The following MED27 variants were observed in gnomAD, a reference collection of about 807,000 sequenced individuals.
MED27 encodes the protein mediator complex subunit 27.
A neutral mutation model predicts 38.2 loss-of-function variants in MED27; 30 were observed. That is an observed-to-expected ratio of 0.79 (90% CI 0.59 to 1.07). MED27 has a LOEUF of 1.07. Ranked by LOEUF, MED27 falls within the 50% of genes least tolerant of loss-of-function variation. The pLI is 0.00. For missense variants in MED27, 289 were observed against 397.5 expected, an observed-to-expected ratio of 0.73 and a Z score of 2.32; for synonymous variants, 122 against 153.5, an observed-to-expected ratio of 0.79 and a Z score of 1.52.
At chr9:132,046,675 C>T (rs989422389) in intron 2 of MED27, among the ~76,000 whole-genome samples, 1 of 152,158 alleles carries the variant, frequency 6.6e-6, no homozygotes, top group Non-Finnish European at 1.5e-5. Flanking sequence ...GCATTAGCAG[C>T]TGCAGTGGGA....
chr9:131,875,130 G>C (rs1838907275), intron 6 of MED27, among the ~76,000 whole-genome samples: 1 of 152,126 alleles, frequency 6.6e-6, no homozygotes, highest in Admixed American at 6.6e-5. Context: ...GCCTTCTGGA[G>C]ATCACTGGTT....
rs746974225 is a variant in MED27 at position 131,883,773 on chromosome 9, C to T, written c.723+285G>A. ...ACAAACATGTACGGCTGTGTAACAC[C>T]GCCACAATTAAGATAAAGAATATTC... is the stretch of plus-strand genomic sequence containing the variant. On this transcript the variant is annotated intron_variant, in intron 6 of 7. Coordinates refer to ENST00000292035, the MANE Select transcript of MED27 (RefSeq NM_004269.4). This position sits in a 1 kb window ranked among gnomAD's most constrained non-coding sequence, Gnocchi z 4.2. 5.9e-5 allele frequency among the ~76,000 whole-genome samples: 9 copies of T among 152,048 alleles called. No homozygotes were observed. The highest frequency in any genetic ancestry group is 8.8e-5 in the Non-Finnish European group (6 of 68,010).
chr9:131,906,196 T>C (rs1169742794), intron 4 of MED27, among the ~76,000 whole-genome samples: 1 of 152,234 alleles, frequency 6.6e-6, no homozygotes, highest in African/African-American at 2.4e-5. Context: ...GACTGGAGAC[T>C]GAGCAGGGAA....
intron 3 of MED27, among the ~76,000 whole-genome samples, chr9:131,968,116 G>A (rs1051821448): frequency 7.9e-5 from 12 of 151,894 alleles, no homozygotes; most frequent in Admixed American, 3.3e-4. Flanking sequence ...CACCACCCCC[G>A]GCCTCATGAT....
intron 4 of MED27, among the ~76,000 whole-genome samples, chr9:131,923,835 A>T (rs1056544582): frequency 6.6e-6 from 1 of 152,104 alleles, no homozygotes; most frequent in Non-Finnish European, 1.5e-5. Context: ...GGTATTTTAT[A>T]TCTCCCTTTT....
chr9:131,875,192 G>GCA (rs1426021350), intron 6 of MED27, among the ~76,000 whole-genome samples: 21 of 152,210 alleles, frequency 1.4e-4, no homozygotes, highest in African/African-American at 4.3e-4. Context: ...CCTGGACCCA[G>GCA]GATCCTGCCT....
chr9:131,964,778 T>C (rs1365411281), intron 3 of MED27, among the ~76,000 whole-genome samples: 1 of 152,238 alleles, frequency 6.6e-6, no homozygotes, highest in Non-Finnish European at 1.5e-5. Context: ...TCTGCTTTGA[T>C]GAAGTCCTTT....
rs538702760 is a variant in MED27, at chr9:131,915,747, T to C, written c.574-21755A>G. 3.3e-5 allele frequency among the ~76,000 whole-genome samples: 5 copies of C among 152,352 alleles called. No individual in the cohort carries two copies. The South Asian group carries it at 8.3e-4, about 25-fold the overall frequency. On this transcript the variant is annotated intron_variant, in intron 4 of 7. Coordinates refer to ENST00000292035, the MANE Select transcript of MED27 (RefSeq NM_004269.4). The stretch of plus-strand genomic sequence containing the variant: ...ATCTGAATTAAATAGGCAATTTTCA[T>C]GGCAACCCCCAAAAGGAAGGCTTCA...
chr9:131,972,514 C>T (rs1174943878), intron 3 of MED27, among the ~76,000 whole-genome samples: 2 of 152,154 alleles, frequency 1.3e-5, no homozygotes, highest in Non-Finnish European at 2.9e-5. Flanking sequence ...GTCCCTGCCA[C>T]CCAGAATCTA....
At chr9:131,981,836 T>A (rs1831744524) in intron 3 of MED27, among the ~76,000 whole-genome samples, 5 of 152,158 alleles carry the variant, frequency 3.3e-5, no homozygotes, top group Admixed American at 2.6e-4. Flanking sequence ...GTCCTCCAAT[T>A]TCCAACCAGA....
intron 2 of MED27, among the ~76,000 whole-genome samples, chr9:132,031,537 T>C (rs1832960290): frequency 6.6e-6 from 1 of 152,108 alleles, no homozygotes; most frequent in Non-Finnish European, 1.5e-5. Flanking sequence ...CCAGGTATGG[T>C]GGGGCACACC....
chr9:132,048,524 A>T (rs942010991), intron 2 of MED27, among the ~76,000 whole-genome samples: 3 of 152,344 alleles, frequency 2.0e-5, no homozygotes, highest in Non-Finnish European at 4.4e-5. Context: ...TGTCACACAG[A>T]ACGCCACTAG....
intron 4 of MED27, among the ~76,000 whole-genome samples, chr9:131,903,659 A>G (rs1387513833): frequency 6.6e-6 from 1 of 152,222 alleles, no homozygotes; most frequent in Non-Finnish European, 1.5e-5. Flanking sequence ...TTGAGCGTCC[A>G]CGAGAGCTAC....
chr9:131,963,432 A>G (rs147343060), intron 3 of MED27, among the ~76,000 whole-genome samples: 17 of 152,100 alleles, frequency 1.1e-4, no homozygotes, highest in African/African-American at 3.9e-4. Context: ...AGCCCCCAGA[A>G]GCAGCAAGCA....
At chr9:132,060,161 C>G (rs1017132758) in intron 2 of MED27, among the ~76,000 whole-genome samples, 1 of 152,068 alleles carries the variant, frequency 6.6e-6, no homozygotes, top group African/African-American at 2.4e-5. Flanking sequence ...GTAGAAGAAT[C>G]ACTGATTAGC....
At chr9:132,018,740 A>G (rs1379165031) in intron 2 of MED27, among the ~76,000 whole-genome samples, 1 of 152,094 alleles carries the variant, frequency 6.6e-6, no homozygotes, top group Non-Finnish European at 1.5e-5. Context: ...CCCGAATCCC[A>G]CTTTAAGAGA....
chr9:132,017,127 T>C (rs1832621008), intron 2 of MED27, among the ~76,000 whole-genome samples: 1 of 152,180 alleles, frequency 6.6e-6, no homozygotes, highest in Non-Finnish European at 1.5e-5. Context: ...CATTAAATAT[T>C]TACTGAACCA....
chr9:131,965,987 C>T (rs866251633), intron 3 of MED27, among the ~76,000 whole-genome samples: 4 of 148,256 alleles, frequency 2.7e-5, no homozygotes, highest in Middle Eastern at 3.4e-3. Flanking sequence ...CCTTCAGAGA[C>T]CCGGGAGTCT....
intron 3 of MED27, among the ~76,000 whole-genome samples, chr9:131,968,781 A>G (rs1831411973): frequency 6.6e-6 from 1 of 152,200 alleles, no homozygotes; most frequent in African/African-American, 2.4e-5. Flanking sequence ...TGGGCCGCAC[A>G]GCAGGAGGTG....
Sources: gnomAD v4.1 joint callset for allele counts (sites outside exome capture counted in the v4.1 genomes callset) on GRCh38, gnomAD v4.1.1 for gene constraint, Gnocchi (gnomAD v3.1) non-coding constraint, MANE v1.5 for transcripts, NCBI Gene and HGNC (gene_info 2026-07-23, HGNC 2026-07-21) for gene names.